ARHGEF37: variants seen among roughly 807,000 people sequenced by gnomAD.
The protein encoded by ARHGEF37 is Rho guanine nucleotide exchange factor (GEF) 37.
ARHGEF37 carries 55 observed loss-of-function variants against 71.1 expected under a neutral mutation model. That is an observed-to-expected ratio of 0.77 (90% CI 0.62 to 0.97). The LOEUF is 0.97. ARHGEF37 is among the 50% of genes least tolerant of loss of function. The pLI, the probability that ARHGEF37 is intolerant of heterozygous loss-of-function variation, is 0.00. For missense variants in ARHGEF37, 765 were observed against 836.8 expected (o/e 0.91, Z 1.06); for synonymous variants, 327 against 350.6 (o/e 0.93, Z 0.75).
chr5:149,627,876 A>ACCCCTGACAACAACT (rs1302522840), intron 11 of ARHGEF37, among the ~76,000 whole-genome samples: 38 of 152,358 alleles, frequency 2.5e-4, no homozygotes, highest in Non-Finnish European at 4.1e-4. Flanking sequence ...GATTATTGTC[A>ACCCCTGACAACAACT]GGGGATCCAC....
chr5:149,600,689 G>A (rs956224615), intron 2 of ARHGEF37, among the ~76,000 whole-genome samples: 1 of 149,580 alleles, frequency 6.7e-6, no homozygotes, highest in African/African-American at 2.5e-5. Flanking sequence ...CGCCCAGGCT[G>A]GAGTGCAGTG....
At chr5:149,573,474 C>A (rs1444079818) in intron 1 of ARHGEF37, among the ~76,000 whole-genome samples, 2 of 152,182 alleles carry the variant, frequency 1.3e-5, no homozygotes, top group African/African-American at 4.8e-5. Flanking sequence ...TCCATAGGAG[C>A]ACTTTTCTTG....
At chr5:149,571,833 A>G (rs1335572265) in intron 1 of ARHGEF37, among the ~76,000 whole-genome samples, 2 of 149,950 alleles carry the variant, frequency 1.3e-5, no homozygotes, top group Non-Finnish European at 3.0e-5. Context: ...CTTGAGCCCA[A>G]GAGATCGAGG....
chr5:149,588,050 C>T (rs1763289890), intron 1 of ARHGEF37, among the ~76,000 whole-genome samples: 2 of 151,934 alleles, frequency 1.3e-5, no homozygotes, highest in South Asian at 4.2e-4. Flanking sequence ...GCGTGTGCCA[C>T]CACTCCTGGT....
At chr5:149,618,065 G>A in intron 5 of ARHGEF37, 111 bp from the exon 6 acceptor site, 1 of 1,455,356 alleles carries the variant, frequency 6.9e-7, no homozygotes, top group Non-Finnish European at 9.5e-7. Flanking sequence ...TCATGAATGT[G>A]ACCCTGATGG....
chr5:149,599,463 G>A (rs1023232337), intron 2 of ARHGEF37, among the ~76,000 whole-genome samples: 4 of 33,642 alleles, frequency 1.2e-4, no homozygotes, highest in South Asian at 2.6e-3. Flanking sequence ...ATTTACAGGA[G>A]ACAGGGTCTC....
At chr5:149,577,965 C>T (rs923696896), upstream of ARHGEF37, among the ~76,000 whole-genome samples, 1 of 152,140 alleles carries the variant, frequency 6.6e-6, no homozygotes, top group East Asian at 1.9e-4. Context: ...ATTCAGTAGC[C>T]GGTAACAGTA....
At position 149,615,662 on chromosome 5, in the gene ARHGEF37, C is replaced by T. The variant is rs546739264; in HGVS notation, c.459-905C>T. On this transcript the variant is annotated intron_variant, in intron 4 of 12. Transcript: ENST00000333677. ...ATTCCAGCACTTTGGGAGGCCGAGG[C>T]GGGCAAATCACAAGGTCAAGAGATT... Among the ~76,000 whole-genome samples, 261 of 151,884 alleles carry T rather than the reference C, an allele frequency of 1.7e-3. 1 individual carries two copies. The highest frequency in any genetic ancestry group is 3.1e-3 in the Admixed American group (48 of 15,248).
At chr5:149,604,533 C>A (rs1365428027) in intron 3 of ARHGEF37, among the ~76,000 whole-genome samples, 1 of 152,078 alleles carries the variant, frequency 6.6e-6, no homozygotes, top group African/African-American at 2.4e-5. Flanking sequence ...GCCCAAATAA[C>A]CCACATGGCT....
intron 1 of ARHGEF37, among the ~76,000 whole-genome samples, chr5:149,556,389 T>TTTATTTA (rs1554119033): frequency 1.3e-5 from 2 of 150,922 alleles, no homozygotes; most frequent in Admixed American, 1.3e-4. Context: ...TATTTATTTA[T>TTTATTTA]TTATTTATTT....
At chr5:149,580,515 G>A (rs1763086907), upstream of ARHGEF37, among the ~76,000 whole-genome samples, 2 of 152,144 alleles carry the variant, frequency 1.3e-5, no homozygotes, top group Non-Finnish European at 1.5e-5. Flanking sequence ...GTCTGAATTC[G>A]AATACTGGCA....
chr5:149,553,267 C>T (rs954125745), intron 1 of ARHGEF37, among the ~76,000 whole-genome samples: 9 of 152,132 alleles, frequency 5.9e-5, no homozygotes, highest in Admixed American at 5.2e-4. Context: ...GGCATGGTAG[C>T]ATGTGCCTTG....
chr5:149,628,707 T>G, intron 11 of ARHGEF37, 102 bp from the exon 12 acceptor site: 7 of 1,422,964 alleles, frequency 4.9e-6, no homozygotes, highest in South Asian at 1.4e-5. Context: ...TCTTGGGTGT[T>G]GAGAAGCTGT....
intron 1 of ARHGEF37, among the ~76,000 whole-genome samples, chr5:149,565,924 ACTG>A (rs1012264821): frequency 7.3e-6 from 1 of 137,858 alleles, no homozygotes; most frequent in African/African-American, 2.6e-5. Context: ...ATCTCTGCTC[ACTG>A]CAACCTCCGC....
At chr5:149,626,041 G>T (rs185879552) in intron 10 of ARHGEF37, among the ~76,000 whole-genome samples, 1 of 152,272 alleles carries the variant, frequency 6.6e-6, no homozygotes, top group East Asian at 1.9e-4. Context: ...TGTTCTCAAA[G>T]AAAACTACCT....
In ARHGEF37 at chr5:149,609,605, C is replaced by G; in HGVS notation, c.368C>G (p.Ala123Gly). Residue 123 changes from alanine (A) to glycine (G), a missense_variant, in exon 4 of 13, where the codon GCC becomes GGC. Physicochemically the swap from Ala to Gly is moderately conservative, Grantham distance 60. Coordinates refer to ENST00000333677, the MANE Select transcript of ARHGEF37 (RefSeq NM_001001669.3). Reference sequence around the variant, plus strand: ...GAGCAAGTCTATAAGGTCTACTGTGCCAGCTACGACCAGGCCTTGCTACTG... The same window carrying G: ...GAGCAAGTCTATAAGGTCTACTGTGGCAGCTACGACCAGGCCTTGCTACTG... Reference protein sequence around the residue: ...ELEQVYKVYCASYDQALLLVD... With the variant: ...ELEQVYKVYCGSYDQALLLVD... 6.2e-7 allele frequency: 1 copy of G among 1,613,804 alleles called. No individual in the cohort carries two copies. The highest frequency in any genetic ancestry group is 8.5e-7 in the Non-Finnish European group (1 of 1,180,016).
chr5:149,598,659 C>T (rs1763647634), intron 2 of ARHGEF37, among the ~76,000 whole-genome samples: 1 of 150,974 alleles, frequency 6.6e-6, no homozygotes, highest in Non-Finnish European at 1.5e-5. Flanking sequence ...ACTACAACCT[C>T]TTTGGGTACC....
At chr5:149,563,032 A>C (rs1762852508) in intron 1 of ARHGEF37, among the ~76,000 whole-genome samples, 1 of 152,036 alleles carries the variant, frequency 6.6e-6, no homozygotes, top group Non-Finnish European at 1.5e-5. Context: ...CTGAATTCCC[A>C]CAGTTTTGAG....
chr5:149,606,501 A>G (rs1763916881), intron 3 of ARHGEF37: 1 of 152,264 alleles, frequency 6.6e-6, no homozygotes, highest in Non-Finnish European at 1.5e-5. Flanking sequence ...GGCAGGCAGT[A>G]GGGTCAGCTG....
Sources: allele counts gnomAD v4.1 joint callset (sites outside exome capture counted in the v4.1 genomes callset), GRCh38; gene constraint gnomAD v4.1.1; transcripts MANE v1.5; gene names NCBI Gene and HGNC (gene_info 2026-07-23, HGNC 2026-07-21).